GRID1: variants seen among roughly 807,000 people sequenced by gnomAD.
GRID1 encodes the protein glutamate ionotropic receptor delta type subunit 1.
A neutral mutation model predicts 98.0 loss-of-function variants in GRID1; 28 were observed. That is an observed-to-expected ratio of 0.29 (90% CI 0.21 to 0.39). The LOEUF (loss-of-function observed/expected upper bound fraction) is 0.39, where lower values mean the gene tolerates loss of function less well. Ranked by LOEUF, GRID1 falls within the 10% of genes least tolerant of loss-of-function variation. The probability of loss-of-function intolerance (pLI) is 1.00; values close to 1 mark genes in which losing one functional copy is unlikely to be tolerated. For missense variants in GRID1, 1,111 were observed against 1,340.5 expected, an observed-to-expected ratio of 0.83 and a Z score of 2.67; for synonymous variants, 553 against 538.5, an observed-to-expected ratio of 1.03 and a Z score of -0.37.
chr10:86,078,471 A>G (rs1209693649), intron 4 of GRID1, among the ~76,000 whole-genome samples: 2 of 152,174 alleles, frequency 1.3e-5, no homozygotes. Flanking sequence ...CAGCTTCTCC[A>G]CAAGCCATCC....
chr10:85,756,035 T>C (rs1473404891), intron 8 of GRID1, among the ~76,000 whole-genome samples: 1 of 152,012 alleles, frequency 6.6e-6, no homozygotes, highest in African/African-American at 2.4e-5. Context: ...CATGCAATAG[T>C]CCTCCCTTAT....
Position 86,195,999 on chromosome 10 carries a change from G to A in GRID1, c.520+10365C>T, listed in dbSNP as rs1021350259. Among the ~76,000 whole-genome samples the A allele has an allele frequency of 2.0e-5, 3 of 152,050 alleles. No homozygotes were observed. Among genetic ancestry groups the A allele is most frequent in the Admixed American group, 6.6e-5 (1 of 15,262 alleles). On this transcript the variant is annotated intron_variant, in intron 3 of 15. Transcript: ENST00000327946. The surrounding 1 kb of genome is among the most constrained non-coding windows in gnomAD (Gnocchi z 4.4). Reference sequence around the variant, plus strand: ...GTTCACACAGAGGACAAGCCTCGACGTCACAGCACATGCCTCACATCAGAA... The same window carrying A: ...GTTCACACAGAGGACAAGCCTCGACATCACAGCACATGCCTCACATCAGAA...
At chr10:85,644,242 TCCA>T in intron 13 of GRID1, 1 of 152,322 alleles carries the variant, frequency 6.6e-6, no homozygotes, top group Non-Finnish European at 1.5e-5. Context: ...CATACATTTC[TCCA>T]GGAATGGCTC....
intron 12 of GRID1, among the ~76,000 whole-genome samples, chr10:85,657,112 G>C (rs1476599874): frequency 6.6e-6 from 1 of 152,140 alleles, no homozygotes; most frequent in African/African-American, 2.4e-5. Flanking sequence ...TCTTCCCTCA[G>C]ATTTGTAATT....
intron 8 of GRID1, among the ~76,000 whole-genome samples, chr10:85,839,151 C>A (rs946696761): frequency 2.0e-5 from 3 of 152,138 alleles, no homozygotes; most frequent in East Asian, 3.8e-4. Context: ...AAAGCAAGTT[C>A]TTAGAGACAT....
At chr10:86,255,125 TC>T (rs1159732182) in intron 2 of GRID1, among the ~76,000 whole-genome samples, 5 of 152,114 alleles carry the variant, frequency 3.3e-5, no homozygotes, top group African/African-American at 1.2e-4. Flanking sequence ...CACACCCTTG[TC>T]CCCCACTCCC....
intron 4 of GRID1, among the ~76,000 whole-genome samples, chr10:86,088,623 C>A (rs950287595): frequency 6.6e-6 from 1 of 152,100 alleles, no homozygotes; most frequent in Non-Finnish European, 1.5e-5. Flanking sequence ...TGAGGGCAGG[C>A]CAGAGTGGGG....
intron 8 of GRID1, among the ~76,000 whole-genome samples, chr10:85,822,587 G>A (rs1484158676): frequency 6.6e-6 from 1 of 152,182 alleles, no homozygotes; most frequent in Non-Finnish European, 1.5e-5. Context: ...TACACCATTG[G>A]TGGGACTGTA....
intron 8 of GRID1, among the ~76,000 whole-genome samples, chr10:85,836,128 A>G (rs916886741): frequency 3.9e-5 from 6 of 152,178 alleles, no homozygotes; most frequent in Non-Finnish European, 8.8e-5. Context: ...AGGAGTAAAA[A>G]AAAGCAAAAT....
chr10:85,847,012 C>T (rs978612396), intron 8 of GRID1, among the ~76,000 whole-genome samples: 8 of 152,126 alleles, frequency 5.3e-5, no homozygotes, highest in African/African-American at 1.7e-4. Flanking sequence ...AGAGCACAAG[C>T]CTAACACAAG....
intron 4 of GRID1, among the ~76,000 whole-genome samples, chr10:85,933,682 C>T (rs886852540): frequency 3.3e-5 from 5 of 152,114 alleles, no homozygotes; most frequent in Non-Finnish European, 4.4e-5. Flanking sequence ...CCATTTTGGG[C>T]GCAGGCTCGA....
At chr10:86,183,368 TTATTTATTGAGATA>T (rs1845684601) in intron 3 of GRID1, among the ~76,000 whole-genome samples, 1 of 151,950 alleles carries the variant, frequency 6.6e-6, no homozygotes, top group African/African-American at 2.4e-5. Context: ...ATTTATTTAT[TTATTTATTGAGATA>T]GAGTTTCACT....
Position 85,877,011 on chromosome 10 carries a change from C to A in GRID1, c.781-7831G>T, listed in dbSNP as rs1036649662. Among the ~76,000 whole-genome samples, 5 of 152,320 alleles carry A rather than the reference C, an allele frequency of 3.3e-5. No homozygotes were observed. The South Asian group carries it at 1.0e-3, about 32-fold the overall frequency. On this transcript the variant is annotated intron_variant, in intron 5 of 15. Coordinates refer to ENST00000327946, the MANE Select transcript of GRID1 (RefSeq NM_017551.3). Reference sequence around the variant, plus strand: ...CACGGAGTCTCGCTGATTGCTAGCACAGCAGTCTGAGATCAAACTGCAAGG... The same window carrying A: ...CACGGAGTCTCGCTGATTGCTAGCAAAGCAGTCTGAGATCAAACTGCAAGG...
At chr10:85,864,836 T>C (rs571034137) in intron 6 of GRID1, among the ~76,000 whole-genome samples, 8 of 152,334 alleles carry the variant, frequency 5.3e-5, no homozygotes, top group Non-Finnish European at 7.4e-5. Flanking sequence ...GAGCATTTTA[T>C]GGTAATACCA....
intron 4 of GRID1, among the ~76,000 whole-genome samples, chr10:85,993,296 T>A (rs533675764): frequency 6.6e-6 from 1 of 152,238 alleles, no homozygotes; most frequent in South Asian, 2.1e-4. Context: ...AGCAAGGCAG[T>A]AGGATGGGAG....
At chr10:85,978,973 C>A (rs1201113666) in intron 4 of GRID1, among the ~76,000 whole-genome samples, 1 of 152,158 alleles carries the variant, frequency 6.6e-6, no homozygotes. Flanking sequence ...TAAGTGACAG[C>A]CCCATTCTCT....
intron 3 of GRID1, among the ~76,000 whole-genome samples, chr10:86,174,251 G>T (rs186134581): frequency 3.8e-4 from 58 of 152,098 alleles, no homozygotes; most frequent in South Asian, 2.7e-3. Flanking sequence ...ATACTACAAG[G>T]CTACAGTCAC....
intron 5 of GRID1, among the ~76,000 whole-genome samples, chr10:85,892,139 T>C (rs1477128132): frequency 3.3e-5 from 5 of 149,728 alleles, no homozygotes; most frequent in South Asian, 2.1e-4. Flanking sequence ...CATTAGACAC[T>C]GTAGAAGAAA....
chr10:85,678,101 A>T (rs566240843), intron 12 of GRID1, among the ~76,000 whole-genome samples: 1 of 152,116 alleles, frequency 6.6e-6, no homozygotes, highest in African/African-American at 2.4e-5. Flanking sequence ...CAACCCTCAG[A>T]CTCTAAGTTG....
Sources: allele counts gnomAD v4.1 joint callset (sites outside exome capture counted in the v4.1 genomes callset), GRCh38; gene constraint gnomAD v4.1.1; non-coding constraint Gnocchi (gnomAD v3.1); transcripts MANE v1.5; gene names NCBI Gene and HGNC (gene_info 2026-07-23, HGNC 2026-07-21).